The following GPC6 variants were observed in gnomAD, a reference collection of about 807,000 sequenced individuals.
GPC6 encodes glypican 6.
A neutral mutation model predicts 55.2 loss-of-function variants in GPC6; 14 were observed. The ratio of observed to expected loss-of-function variants is 0.25; its 90% CI spans 0.17 to 0.40. GPC6 has a LOEUF of 0.40. GPC6 is among the 10% of genes least tolerant of loss of function. The pLI is 1.00. For synonymous variants in GPC6, 278 were observed against 259.6 expected (o/e 1.07, Z -0.68); for missense variants, 641 against 708.5 (o/e 0.90, Z 1.08).
intron 1 of GPC6, among the ~76,000 whole-genome samples, chr13:93,327,832 T>C (rs887578997): frequency 7.9e-5 from 12 of 151,918 alleles, no homozygotes; most frequent in Admixed American, 2.6e-4. Flanking sequence ...TAATAAAATG[T>C]TAAACTCATA....
At chr13:93,552,262 A>T (rs927013122) in intron 2 of GPC6, among the ~76,000 whole-genome samples, 3 of 152,168 alleles carry the variant, frequency 2.0e-5, no homozygotes, top group Non-Finnish European at 4.4e-5. Context: ...CAAAAATAAA[A>T]ATCGTCCAAT....
chr13:93,852,185 C>T (rs1208187271), intron 3 of GPC6, among the ~76,000 whole-genome samples: 1 of 151,726 alleles, frequency 6.6e-6, no homozygotes, highest in Non-Finnish European at 1.5e-5. Context: ...CTACTCTAGT[C>T]TCATTACACT....
chr13:93,966,531 A>G (rs971714709), intron 3 of GPC6, among the ~76,000 whole-genome samples: 1 of 152,200 alleles, frequency 6.6e-6, no homozygotes, highest in Non-Finnish European at 1.5e-5. Flanking sequence ...ACAAAAGTAT[A>G]AGCAACTTTA....
chr13:93,792,491 C>T (rs1011680294), intron 2 of GPC6, among the ~76,000 whole-genome samples: 3 of 152,016 alleles, frequency 2.0e-5, no homozygotes, highest in Admixed American at 6.6e-5. Flanking sequence ...TTGTATTTTT[C>T]GTAGAGATGG....
At chr13:93,369,929 A>T (rs1881391746) in intron 1 of GPC6, among the ~76,000 whole-genome samples, 1 of 152,122 alleles carries the variant, frequency 6.6e-6, no homozygotes, top group African/African-American at 2.4e-5. Flanking sequence ...CTGACAAGTG[A>T]TTATGTAGGT....
intron 1 of GPC6, among the ~76,000 whole-genome samples, chr13:93,414,486 C>T (rs569268482): frequency 6.6e-6 from 1 of 152,264 alleles, no homozygotes; most frequent in Non-Finnish European, 1.5e-5. Flanking sequence ...TCTTGGAACT[C>T]TGAGGATGAG....
At chr13:94,014,090 G>T (rs1319550540) in intron 3 of GPC6, among the ~76,000 whole-genome samples, 2 of 152,106 alleles carry the variant, frequency 1.3e-5, no homozygotes, top group Non-Finnish European at 2.9e-5. Flanking sequence ...ATTCATAATT[G>T]TTTCCTGTCT....
intron 4 of GPC6, among the ~76,000 whole-genome samples, chr13:94,179,078 C>A (rs761689247): frequency 2.6e-5 from 4 of 152,124 alleles, no homozygotes; most frequent in Non-Finnish European, 4.4e-5. Flanking sequence ...TGGCTCAGAT[C>A]GTCTCGTTTC....
At chr13:93,549,467 C>T (rs968133402) in intron 2 of GPC6, among the ~76,000 whole-genome samples, 4 of 152,150 alleles carry the variant, frequency 2.6e-5, no homozygotes, top group Admixed American at 6.5e-5. Context: ...GACCCTGTTC[C>T]CTGCCCTTCA....
intron 2 of GPC6, among the ~76,000 whole-genome samples, chr13:93,731,610 T>C (rs1297940314): frequency 6.6e-6 from 1 of 152,180 alleles, no homozygotes; most frequent in Non-Finnish European, 1.5e-5. Flanking sequence ...GTATTCACTT[T>C]TTCAGTCATG....
At chr13:94,237,946 G>A (rs1890930464) in intron 4 of GPC6, among the ~76,000 whole-genome samples, 1 of 152,168 alleles carries the variant, frequency 6.6e-6, no homozygotes, top group Non-Finnish European at 1.5e-5. Flanking sequence ...AGATTATGCT[G>A]GCTCGAACTA....
intron 6 of GPC6, among the ~76,000 whole-genome samples, chr13:94,321,641 CTCTGTT>C (rs1594166697): frequency 6.6e-6 from 1 of 152,132 alleles, no homozygotes; most frequent in East Asian, 1.9e-4. Context: ...TTTTTGAGTT[CTCTGTT>C]TCTGATAAAT....
At chr13:93,904,882 C>T (rs1206641129) in intron 3 of GPC6, among the ~76,000 whole-genome samples, 4 of 151,640 alleles carry the variant, frequency 2.6e-5, no homozygotes, top group African/African-American at 7.3e-5. Context: ...CCCACTAACT[C>T]GTCATCTAGC....
chr13:94,276,720 G>C (rs1892222086), intron 4 of GPC6, among the ~76,000 whole-genome samples: 1 of 152,094 alleles, frequency 6.6e-6, no homozygotes, highest in African/African-American at 2.4e-5. Context: ...TTAGTTTGCT[G>C]AGGATGACGG....
chr13:93,430,054 G>T (rs1877300479), intron 1 of GPC6, among the ~76,000 whole-genome samples: 2 of 152,144 alleles, frequency 1.3e-5, no homozygotes, highest in African/African-American at 4.8e-5. Flanking sequence ...CTGCAGTCAA[G>T]AGTGCTGTGA....
At chr13:93,720,937 T>C (rs1408351038) in intron 2 of GPC6, among the ~76,000 whole-genome samples, 1 of 151,338 alleles carries the variant, frequency 6.6e-6, no homozygotes, top group African/African-American at 2.4e-5. Flanking sequence ...GAGACTGTTA[T>C]GATTTCCATT....
At chr13:94,345,666 A>G (rs1878251159) in intron 6 of GPC6, among the ~76,000 whole-genome samples, 1 of 152,200 alleles carries the variant, frequency 6.6e-6, no homozygotes, top group South Asian at 2.1e-4. Flanking sequence ...GGTACAGTGT[A>G]GGAAAGCTGT....
intron 4 of GPC6, among the ~76,000 whole-genome samples, chr13:94,225,228 C>G (rs540552537): frequency 6.6e-6 from 1 of 152,188 alleles, no homozygotes; most frequent in East Asian, 1.9e-4. Flanking sequence ...GGATGGTCTG[C>G]TACTGAGGGC....
intron 2 of GPC6, among the ~76,000 whole-genome samples, chr13:93,758,082 AGGTTTGT>A (rs755443564): frequency 3.9e-4 from 59 of 152,176 alleles, no homozygotes; most frequent in Admixed American, 3.9e-4. Context: ...GTCAAATAAC[AGGTTTGT>A]GGATATGGAA....
Sources: gnomAD v4.1 joint callset for allele counts (sites outside exome capture counted in the v4.1 genomes callset) on GRCh38, gnomAD v4.1.1 for gene constraint, MANE v1.5 for transcripts, NCBI Gene and HGNC (gene_info 2026-07-23, HGNC 2026-07-21) for gene names.